DNAJB14: variants seen among roughly 807,000 people sequenced by gnomAD.
DNAJB14 encodes DnaJ heat shock protein family (Hsp40) member B14, also known as dnaJ homolog subfamily B member 14.
A neutral mutation model predicts 48.4 loss-of-function variants in DNAJB14; 22 were observed. The ratio of observed to expected loss-of-function variants is 0.45; its 90% confidence interval spans 0.32 to 0.65. The LOEUF (loss-of-function observed/expected upper bound fraction) is 0.65. Ranked by LOEUF, DNAJB14 falls within the 30% of genes least tolerant of loss-of-function variation. The probability of loss-of-function intolerance (pLI) is 0.03; values close to 1 mark genes in which losing one functional copy is unlikely to be tolerated. For synonymous variants in DNAJB14, 142 were observed against 158.7 expected (o/e 0.89, Z 0.79); for missense variants, 319 against 458.8 (o/e 0.70, Z 2.78).
At chr4:99,925,926 G>A (rs1726233699) in intron 2 of DNAJB14, 2 of 152,078 alleles carry the variant, frequency 1.3e-5, no homozygotes, top group Admixed American at 1.3e-4. Flanking sequence ...CAGAAAAAAG[G>A]ATACCCTTCA....
intron 3 of DNAJB14, among the ~76,000 whole-genome samples, chr4:99,913,981 T>A (rs1255465162): frequency 1.3e-5 from 2 of 152,002 alleles, no homozygotes; most frequent in African/African-American, 4.8e-5. Flanking sequence ...CATAACATGG[T>A]GGAGAAAATC....
chr4:99,944,494 G>C (rs951278929), intron 1 of DNAJB14, among the ~76,000 whole-genome samples: 5 of 152,026 alleles, frequency 3.3e-5, no homozygotes, highest in Admixed American at 6.6e-5. Context: ...TCCATAGACA[G>C]ATGAATGGAT....
At chr4:99,941,825 TTTC>T (rs1448320273) in intron 1 of DNAJB14, among the ~76,000 whole-genome samples, 2 of 152,176 alleles carry the variant, frequency 1.3e-5, no homozygotes, top group Non-Finnish European at 2.9e-5. Context: ...ATCAGTATTC[TTTC>T]TTCAACTGTA....
intron 5 of DNAJB14, chr4:99,905,968 T>C (rs2110193758): frequency 7.7e-7 from 1 of 1,297,822 alleles, no homozygotes; most frequent in Non-Finnish European, 9.9e-7. Context: ...CTCTTTCTCT[T>C]TCCCGACTCC....
chr4:99,906,343 T>C lies in DNAJB14; in HGVS notation c.732+174A>G, dbSNP rs76398735. Among the ~76,000 whole-genome samples the C allele has an allele frequency of 2.0e-3, 304 of 152,286 alleles. 5 individuals carry two copies. The highest frequency in any genetic ancestry group is 0.015 in the East Asian group (80 of 5,174). On this transcript the variant is annotated intron_variant, in intron 5 of 7. Transcript: ENST00000442697. ...GTCATACTATCCAACCACCCCTGGC[T>C]GACCTCTCTTCCTATTCCTACAATG... is the stretch of plus-strand genomic sequence containing the variant.
At chr4:99,901,394 G>A (rs191965069) in intron 7 of DNAJB14, among the ~76,000 whole-genome samples, 53 of 152,118 alleles carry the variant, frequency 3.5e-4, no homozygotes, top group African/African-American at 1.2e-3. Flanking sequence ...GTCAACTCAC[G>A]TTGGAATCCT....
chr4:99,937,334 G>A (rs975248427), intron 1 of DNAJB14, among the ~76,000 whole-genome samples: 1 of 151,990 alleles, frequency 6.6e-6, no homozygotes, highest in Non-Finnish European at 1.5e-5. Context: ...ACATCATAGT[G>A]GAGGAAAACA....
At chr4:99,905,982 C>A (rs955583266) in intron 5 of DNAJB14, 1 of 1,285,404 alleles carries the variant, frequency 7.8e-7, no homozygotes, top group African/African-American at 1.5e-5. Flanking sequence ...CGACTCCCTC[C>A]CCCCCACACA....
At chr4:99,942,273 C>T (rs982506190) in intron 1 of DNAJB14, 1 of 151,634 alleles carries the variant, frequency 6.6e-6, no homozygotes, top group African/African-American at 2.4e-5. Context: ...AGCTGTAAGC[C>T]ACCAATTGAT....
At chr4:99,937,186 A>G (rs1039887512) in intron 1 of DNAJB14, among the ~76,000 whole-genome samples, 33 of 151,832 alleles carry the variant, frequency 2.2e-4, no homozygotes, top group Non-Finnish European at 3.8e-4. Flanking sequence ...GTGTGGTGGC[A>G]GGCGCTTATA....
chr4:99,910,474 C>T (rs1252385597), intron 3 of DNAJB14: 6 of 151,764 alleles, frequency 4.0e-5, no homozygotes, highest in Admixed American at 3.9e-4. Flanking sequence ...AAGGGCTATC[C>T]CATGTAATGC....
chr4:99,907,398 T>C (rs1362579929), intron 4 of DNAJB14, among the ~76,000 whole-genome samples: 2 of 152,120 alleles, frequency 1.3e-5, no homozygotes, highest in Admixed American at 6.6e-5. Context: ...TTGCCAGGCA[T>C]GGTGGCTCAC....
At chr4:99,915,754 G>A (rs556785886) in intron 3 of DNAJB14, among the ~76,000 whole-genome samples, 2 of 152,066 alleles carry the variant, frequency 1.3e-5, no homozygotes, top group South Asian at 4.1e-4. Context: ...GTTGAGTGAT[G>A]GTGGTGTTTA....
intron 6 of DNAJB14, 121 bp downstream of exon 6, chr4:99,905,476 T>C: frequency 1.6e-6 from 1 of 619,448 alleles, no homozygotes; most frequent in Non-Finnish European, 2.8e-6. Flanking sequence ...ATTTAAAATC[T>C]GGTACACTTG....
chr4:99,919,420 T>G (rs910945495), intron 3 of DNAJB14, among the ~76,000 whole-genome samples: 9 of 151,956 alleles, frequency 5.9e-5, no homozygotes, highest in Non-Finnish European at 1.2e-4. Flanking sequence ...CCATCTCTAC[T>G]AAAAATACAA....
At chr4:99,905,511 G>T in intron 6 of DNAJB14, 86 bp downstream of exon 6, 2 of 994,590 alleles carry the variant, frequency 2.0e-6, no homozygotes, top group East Asian at 4.9e-5. Flanking sequence ...GCACTTAAAA[G>T]TTTAAAAGAG....
At chr4:99,934,670 G>T (rs536558669) in intron 1 of DNAJB14, among the ~76,000 whole-genome samples, 1 of 151,304 alleles carries the variant, frequency 6.6e-6, no homozygotes. Context: ...ACCAGTGCCT[G>T]TAATCCCAGC....
At chr4:99,903,472 C>A (rs1725363436) in intron 7 of DNAJB14, among the ~76,000 whole-genome samples, 1 of 151,670 alleles carries the variant, frequency 6.6e-6, no homozygotes. Context: ...ATTATCAATA[C>A]AATAAAATTT....
chr4:99,915,325 G>T (rs368982663), intron 3 of DNAJB14, among the ~76,000 whole-genome samples: 1 of 152,172 alleles, frequency 6.6e-6, no homozygotes, highest in African/African-American at 2.4e-5. Flanking sequence ...TTTTAGTAGA[G>T]ATGGGGTTTC....
Sources: gnomAD v4.1 joint callset for allele counts (sites outside exome capture counted in the v4.1 genomes callset) on GRCh38, gnomAD v4.1.1 for gene constraint, MANE v1.5 for transcripts, NCBI Gene and HGNC (gene_info 2026-07-23, HGNC 2026-07-21) for gene names.